The following BCKDHB variants were observed in gnomAD, a reference collection of about 807,000 sequenced individuals.
BCKDHB encodes 2-oxoisovalerate dehydrogenase subunit beta, mitochondrial.
In BCKDHB, 41 loss-of-function variants were observed where a neutral mutation model predicts 48.5. The ratio of observed to expected loss-of-function variants is 0.85; its 90% CI spans 0.66 to 1.10. BCKDHB has a LOEUF of 1.10. BCKDHB is among the 50% of genes least tolerant of loss of function. The pLI is 0.00. For missense variants in BCKDHB, 496 were observed against 494.2 expected, an observed-to-expected ratio of 1.00 and a Z score of -0.03; for synonymous variants, 201 against 174.8, an observed-to-expected ratio of 1.15 and a Z score of -1.18.
At chr6:80,243,148 C>T (rs80244037) in intron 8 of BCKDHB, among the ~76,000 whole-genome samples, 5,478 of 152,152 alleles carry the variant, frequency 0.036, 318 homozygotes, top group African/African-American at 0.12. Context: ...TACAGAGAGA[C>T]AAAGTAAAAG....
chr6:80,127,086 T>C (rs1340042813), intron 1 of BCKDHB, among the ~76,000 whole-genome samples: 4 of 152,170 alleles, frequency 2.6e-5, no homozygotes, highest in African/African-American at 9.6e-5. Context: ...CAGTTCCGGG[T>C]ACCAAAGTTT....
intron 3 of BCKDHB, among the ~76,000 whole-genome samples, chr6:80,151,419 C>CTTTTTTTTTTTTTTT (rs529086862): frequency 7.0e-6 from 1 of 142,370 alleles, no homozygotes. Flanking sequence ...TTAAAACTAA[C>CTTTTTTTTTTTTTTT]TTTTTTTTTT....
At chr6:80,385,337 G>T in the BCKDHB span, among the ~76,000 whole-genome samples, 1 of 152,210 alleles carries the variant, frequency 6.6e-6, no homozygotes, top group African/African-American at 2.4e-5. Flanking sequence ...GCAACTAAAG[G>T]TGCTTGCACA....
At chr6:80,353,276 T>C in the BCKDHB span, among the ~76,000 whole-genome samples, 4 of 152,356 alleles carry the variant, frequency 2.6e-5, no homozygotes, top group South Asian at 8.3e-4. Flanking sequence ...TCATTGTGTA[T>C]ATAATCACCA....
At chr6:80,271,526 G>A in intron 8 of BCKDHB, among the ~76,000 whole-genome samples, 1 of 152,126 alleles carries the variant, frequency 6.6e-6, no homozygotes, top group East Asian at 1.9e-4. Context: ...TTATTCTAAA[G>A]GTTGTCATTT....
chr6:80,305,164 G>T (rs1767794883), intron 9 of BCKDHB, among the ~76,000 whole-genome samples: 1 of 151,896 alleles, frequency 6.6e-6, no homozygotes, highest in Non-Finnish European at 1.5e-5. Context: ...TGTTGCTATA[G>T]ATAAACATCA....
chr6:80,282,560 T>C (rs1480571482), intron 9 of BCKDHB, among the ~76,000 whole-genome samples: 2 of 152,172 alleles, frequency 1.3e-5, no homozygotes, highest in Non-Finnish European at 1.5e-5. Context: ...ATGAATGTTA[T>C]GGATTTATCA....
At chr6:80,370,263 TG>T in the BCKDHB span, among the ~76,000 whole-genome samples, 73 of 152,116 alleles carry the variant, frequency 4.8e-4, 1 homozygote, top group Non-Finnish European at 7.4e-5. Flanking sequence ...GAGAAAATGA[TG>T]CTTAAACTGT....
intron 9 of BCKDHB, among the ~76,000 whole-genome samples, chr6:80,338,371 C>T (rs1326198195): frequency 6.6e-6 from 1 of 152,114 alleles, no homozygotes; most frequent in Non-Finnish European, 1.5e-5. Flanking sequence ...ACCTTGTGTG[C>T]GCGGAGGGAT....
intron 8 of BCKDHB, among the ~76,000 whole-genome samples, chr6:80,230,195 C>T (rs891385763): frequency 6.6e-6 from 1 of 150,434 alleles, no homozygotes; most frequent in Admixed American, 6.6e-5. Context: ...CCCACCACCA[C>T]GCCCGGCTAA....
At chr6:80,395,935 C>G in the BCKDHB span, among the ~76,000 whole-genome samples, 1 of 152,140 alleles carries the variant, frequency 6.6e-6, no homozygotes, top group Non-Finnish European at 1.5e-5. Context: ...AAACCTCAAG[C>G]CTTGGTGGTT....
chr6:80,368,096 GTCA>G, the BCKDHB span, among the ~76,000 whole-genome samples: 1 of 152,098 alleles, frequency 6.6e-6, no homozygotes, highest in African/African-American at 2.4e-5. Context: ...GTGTAGTTCT[GTCA>G]TCATCTTCTC....
the BCKDHB span, among the ~76,000 whole-genome samples, chr6:80,412,110 T>C: frequency 6.6e-6 from 1 of 151,614 alleles, no homozygotes; most frequent in Non-Finnish European, 1.5e-5. Flanking sequence ...CAAGAATCCA[T>C]GTCCACCACA....
the BCKDHB span, among the ~76,000 whole-genome samples, chr6:80,394,112 T>C: frequency 7.2e-5 from 11 of 152,312 alleles, no homozygotes; most frequent in African/African-American, 2.6e-4. Context: ...TTCCTCCAAG[T>C]TGGGAAACTT....
intron 8 of BCKDHB, among the ~76,000 whole-genome samples, chr6:80,238,729 T>TC (rs1432330532): frequency 6.7e-6 from 1 of 148,690 alleles, no homozygotes; most frequent in East Asian, 2.0e-4. Flanking sequence ...TAGGTGTATC[T>TC]CCTAATGCTA....
chr6:80,430,839 A>T, the BCKDHB span, among the ~76,000 whole-genome samples: 5 of 151,724 alleles, frequency 3.3e-5, no homozygotes, highest in African/African-American at 9.7e-5. Context: ...CTCTGATCTT[A>T]GTTATTTCTT....
chr6:80,388,105 G>A, the BCKDHB span, among the ~76,000 whole-genome samples: 12 of 152,134 alleles, frequency 7.9e-5, no homozygotes, highest in Admixed American at 4.6e-4. Context: ...TTTGGATTTG[G>A]GAGGCAACAC....
At position 80,266,899 on chromosome 6, in the gene BCKDHB, T is replaced by C. The variant is rs1664110512; in HGVS notation, c.952-6236T>C. Among the ~76,000 whole-genome samples, 3 of 152,076 alleles carry C rather than the reference T, an allele frequency of 2.0e-5. No homozygotes were observed. The South Asian group carries it at 6.2e-4, about 31-fold the overall frequency. On this transcript the variant is annotated intron_variant, in intron 8 of 9. Transcript: ENST00000320393. ...GGCCACATATACAATGTATTAGGTA[T>C]TCTAGTTAGGTACAGAATATTTGTT...
chr6:80,211,815 G>T (rs1774946945), intron 8 of BCKDHB, among the ~76,000 whole-genome samples: 1 of 152,156 alleles, frequency 6.6e-6, no homozygotes, highest in South Asian at 2.1e-4. Flanking sequence ...GACTTTTACA[G>T]CTGGGCCACC....
Sources: gnomAD v4.1 joint callset for allele counts (sites outside exome capture counted in the v4.1 genomes callset) on GRCh38, gnomAD v4.1.1 for gene constraint, MANE v1.5 for transcripts, NCBI Gene and HGNC (gene_info 2026-07-23, HGNC 2026-07-21) for gene names.